Variants in POLR3A observed in about 807,000 individuals in gnomAD.
The protein encoded by POLR3A is DNA-directed RNA polymerase III subunit RPC1.
A neutral mutation model predicts 152.8 loss-of-function variants in POLR3A; 112 were observed. The observed-to-expected ratio is 0.73, with a 90% CI of 0.63 to 0.86. The LOEUF (loss-of-function observed/expected upper bound fraction) is 0.86, where lower values mean the gene tolerates loss of function less well. Ranked by LOEUF, POLR3A falls within the 40% of genes least tolerant of loss-of-function variation. The probability of loss-of-function intolerance (pLI) is 0.00; values close to 1 mark genes in which losing one functional copy is unlikely to be tolerated. For missense variants in POLR3A, 1,385 were observed against 1,743.1 expected (o/e 0.79, Z 3.66); for synonymous variants, 615 against 652.1 (o/e 0.94, Z 0.87).
In POLR3A at chr10:77,983,941, C is replaced by G; in HGVS notation, c.3408G>C (p.Arg1136=). ...CFILVKLSLE[R]IRLLRLEVNA... is the part of the protein sequence containing the mutation. ...TCACTTCCAGTCTCAGAAGCCTAAT[C>G]CGTTCCAGGGAGAGCTTGACGAGAA... Residue 1136 remains arginine (R), a synonymous_variant, in exon 26 of 31, where the codon CGG becomes CGC. Transcript: ENST00000372371. 6.2e-7 allele frequency: 1 copy of G among 1,609,988 alleles called. No individual in the cohort carries two copies. Among genetic ancestry groups the G allele is most frequent in the Non-Finnish European group, 8.5e-7 (1 of 1,176,278 alleles).
chr10:78,019,598 C>CA, intron 8 of POLR3A: 1 of 368,690 alleles, frequency 2.7e-6, no homozygotes, highest in South Asian at 2.6e-5. Flanking sequence ...ACTTGATCTG[C>CA]AATAACTTAC....
chr10:78,007,948 A>C (rs902166608), intron 14 of POLR3A, 82 bp from the exon 15 acceptor site: 2 of 1,091,828 alleles, frequency 1.8e-6, no homozygotes, highest in Non-Finnish European at 2.6e-6. Context: ...AGTTGAGAAA[A>C]TATGTTCCCA....
At position 78,019,158 on chromosome 10, in the gene POLR3A, T is replaced by C. The variant is rs779343340; in HGVS notation, c.1289+4A>G. On this transcript the variant is annotated splice_donor_region_variant and intron_variant, in intron 9 of 30. Coordinates refer to ENST00000372371, the MANE Select transcript of POLR3A (RefSeq NM_007055.4). ...TAAATCCAACTAGATTGGGAAAAGATTACCTTTTCATCTGCGTATGTCTCT... is the reference window on the plus strand; with the variant it reads ...TAAATCCAACTAGATTGGGAAAAGACTACCTTTTCATCTGCGTATGTCTCT... The C allele has an allele frequency of 1.0e-5, 16 of 1,603,316 alleles. No individual in the cohort carries two copies. Among genetic ancestry groups the C allele is most frequent in the Non-Finnish European group, 1.3e-5 (15 of 1,170,232 alleles).
In POLR3A at chr10:77,988,821, G is replaced by C. The variant is rs188463063; in HGVS notation, c.2901+2233C>G. ...TGAGAAAGGTCCCGAAAGCCCTCTT[G>C]GCCCAGATGTTGCCATTTGATCACC... On this transcript the variant is annotated intron_variant, in intron 21 of 30. Coordinates refer to ENST00000372371, the MANE Select transcript of POLR3A (RefSeq NM_007055.4). 8.5e-5 allele frequency among the ~76,000 whole-genome samples: 13 copies of C among 152,254 alleles called. No individual in the cohort carries two copies. In the East Asian group the frequency reaches 2.5e-3, roughly 29 times the overall value.
chr10:77,997,232 T>C (rs1396420487), intron 19 of POLR3A, among the ~76,000 whole-genome samples: 2 of 152,100 alleles, frequency 1.3e-5, no homozygotes, highest in African/African-American at 2.4e-5. Flanking sequence ...ACTGGAAGCA[T>C]TCCCTTTGAA....
chr10:78,004,802 A>G lies in POLR3A; in HGVS notation c.2161T>C (p.Tyr721His). ...KAKYELLNAG[Y>H]KKCDEYIEAL... ...TCGATGTACTCATCACATTTCTTGT[A>G]GCCGGCATTCAGCAACTCATACTTG... Residue 721 changes from tyrosine (Y) to histidine (H), a missense_variant, in exon 16 of 31, where the codon TAC (tyrosine) becomes CAC (histidine). Transcript: ENST00000372371. 6.2e-7 allele frequency: 1 copy of G among 1,613,972 alleles called. No individual in the cohort carries two copies. Among genetic ancestry groups the G allele is most frequent in the Non-Finnish European group, 8.5e-7 (1 of 1,179,862 alleles).
chr10:77,993,119 G>A (rs1847264900), intron 20 of POLR3A, 78 bp downstream of exon 20: 1 of 1,058,726 alleles, frequency 9.4e-7, no homozygotes, highest in Admixed American at 1.7e-5. Flanking sequence ...AACTGCAATT[G>A]ATAGTCCAAA....
rs1341185358 is a variant in POLR3A, at chr10:78,009,570, C to T, written c.1876G>A (p.Gly626Ser). 1.9e-6 allele frequency: 3 copies of T among 1,614,090 alleles called. No homozygotes were observed. The highest frequency in any genetic ancestry group is 2.5e-6 in the Non-Finnish European group (3 of 1,180,054). The change falls in exon 14 of 31, where the codon GGC (glycine) becomes AGC (serine). Residue 626 changes from glycine to serine, a missense_variant. Around this residue, in one of 7 missense-constraint regions of POLR3A, gnomAD observed 188 missense variants for 179.9 expected, o/e 1.04. Transcript: ENST00000372371. ...NLRTKGKQYC[G>S]KGEDLCANDS... ...TTGGCACAGAGATCTTCCCCTTTGC[C>T]ACAGTACTGCTTGCCCTTGGTTCGC...
intron 8 of POLR3A, chr10:78,019,714 T>C (rs758108201): frequency 4.9e-6 from 1 of 204,912 alleles, no homozygotes; most frequent in Non-Finnish European, 1.0e-5. Context: ...GAACACCATT[T>C]TGGAGAAGTT....
chr10:78,014,706 T>C (rs1482216105), intron 10 of POLR3A, among the ~76,000 whole-genome samples: 1 of 151,986 alleles, frequency 6.6e-6, no homozygotes, highest in African/African-American at 2.4e-5. Flanking sequence ...CCTGGCCCTT[T>C]CTTTAAAAAA....
chr10:77,987,574 T>C (rs1847209757), intron 21 of POLR3A, among the ~76,000 whole-genome samples: 1 of 152,152 alleles, frequency 6.6e-6, no homozygotes, highest in Non-Finnish European at 1.5e-5. Context: ...GCCTATTACA[T>C]GGCTGAAAAT....
intron 18 of POLR3A, 135 bp from the exon 19 acceptor site, chr10:78,000,253 G>A: frequency 1.3e-6 from 1 of 776,144 alleles, no homozygotes; most frequent in South Asian, 1.5e-5. Flanking sequence ...TAAATGGCAG[G>A]CTTTCTTTGC....
chr10:78,015,758 G>A (rs1847517672), intron 10 of POLR3A, among the ~76,000 whole-genome samples: 1 of 152,156 alleles, frequency 6.6e-6, no homozygotes, highest in Non-Finnish European at 1.5e-5. Flanking sequence ...CCAGGCCCAC[G>A]TGATCCTTCT....
intron 21 of POLR3A, 85 bp downstream of exon 21, chr10:77,990,969 T>C: frequency 1.3e-6 from 1 of 777,234 alleles, no homozygotes; most frequent in South Asian, 1.4e-5. Flanking sequence ...AACCAGCTTA[T>C]AAAATCCACT....
rs754056649 is a variant in POLR3A, at chr10:78,022,301, T to C, written c.729A>G (p.Glu243=). The stretch of plus-strand genomic sequence containing the variant: ...GAATCAAATCAGACGGCTTTCCGGC[T>C]TCTGGGTTCATCAGAAGTAGAGGAA... ...EDVPLLLMNP[E]AGKPSDLILT... The change falls in exon 6 of 31, where the codon GAA becomes GAG. Residue 243 remains glutamate (E), a synonymous_variant. Transcript: ENST00000372371. 6.2e-7 allele frequency: 1 copy of C among 1,614,192 alleles called. No homozygotes were observed. Among genetic ancestry groups the C allele is most frequent in the East Asian group, 2.2e-5 (1 of 44,886 alleles).
At chr10:78,004,584 G>A in intron 16 of POLR3A, 132 bp downstream of exon 16, 1 of 741,540 alleles carries the variant, frequency 1.3e-6, no homozygotes, top group Non-Finnish European at 2.3e-6. Context: ...GGCCCCAACA[G>A]GACAGACGCC....
rs537179886 is a variant in POLR3A, at chr10:78,022,455, T to C, written c.646-71A>G. On this transcript the variant is annotated intron_variant, in intron 5 of 30. Coordinates refer to ENST00000372371, the MANE Select transcript of POLR3A (RefSeq NM_007055.4). ...TCCATAGCTTGGGCAAGGTTTTCCT[T>C]CACTATGTTTTCTAACCTATCTGTC... 1.4e-5 allele frequency: 21 copies of C among 1,520,086 alleles called. No individual in the cohort carries two copies. In the Admixed American group the frequency reaches 1.8e-4, roughly 13 times the overall value. The allele number at this position is 1,520,086 out of a possible 1,614,324, so 94.2% of individuals were successfully genotyped here. A position where few individuals can be genotyped will look rare whatever the true frequency, so the allele number is the denominator to read the frequency against.
At chr10:78,024,397 T>C (rs1444709694) in intron 5 of POLR3A, 152 bp downstream of exon 5, 1 of 633,374 alleles carries the variant, frequency 1.6e-6, no homozygotes, top group Non-Finnish European at 2.8e-6. Context: ...AAAGGAATTA[T>C]CGGAGAGCTG....
intron 9 of POLR3A, 30 bp from the exon 10 acceptor site, chr10:78,017,746 G>A (rs1395225385): frequency 1.9e-6 from 3 of 1,613,060 alleles, no homozygotes; most frequent in African/African-American, 1.3e-5. Context: ...CATGATCTGT[G>A]AAAGCAAAGT....
Sources: allele counts gnomAD v4.1 joint callset (sites outside exome capture counted in the v4.1 genomes callset), GRCh38; gene constraint gnomAD v4.1.1; regional missense constraint gnomAD v4.1.1; transcripts MANE v1.5; gene names NCBI Gene and HGNC (gene_info 2026-07-23, HGNC 2026-07-21).